DHRSX: variants seen among roughly 807,000 people sequenced by gnomAD.
DHRSX encodes polyprenol dehydrogenase.
A neutral mutation model predicts 34.0 loss-of-function variants in DHRSX; 31 were observed. The ratio of observed to expected loss-of-function variants is 0.91; its 90% confidence interval spans 0.69 to 1.23. DHRSX has a LOEUF of 1.23. Among genes scored for constraint, DHRSX ranks in the 50% most tolerant of loss-of-function variants. The probability of loss-of-function intolerance (pLI) is 0.00; values close to 1 mark genes in which losing one functional copy is unlikely to be tolerated. For missense variants in DHRSX, 414 were observed against 428.1 expected, an observed-to-expected ratio of 0.97 and a Z score of 0.29; for synonymous variants, 201 against 183.8, an observed-to-expected ratio of 1.09 and a Z score of -0.76.
At chrX:2,269,566 C>T (rs1389864785) in intron 4 of DHRSX, among the ~76,000 whole-genome samples, 5 of 152,056 alleles carry the variant, frequency 3.3e-5, no homozygotes, top group South Asian at 4.1e-4. Context: ...GGAGGAGTTT[C>T]GCTCTTGTCG....
At chrX:2,385,409 C>G (rs745839869) in intron 3 of DHRSX, among the ~76,000 whole-genome samples, 13 of 151,894 alleles carry the variant, frequency 8.6e-5, no homozygotes, top group African/African-American at 2.9e-4. Flanking sequence ...GCACACAGAC[C>G]GTAATTCTCA....
chrX:2,423,017 G>A (rs188827443), intron 2 of DHRSX, among the ~76,000 whole-genome samples: 135 of 151,070 alleles, frequency 8.9e-4, no homozygotes, highest in African/African-American at 3.2e-3. Context: ...TGGCCAGGCT[G>A]GTCTTGAACT....
intron 1 of DHRSX, among the ~76,000 whole-genome samples, chrX:2,483,225 A>T (rs1048558624): frequency 2.6e-5 from 4 of 152,084 alleles, no homozygotes; most frequent in Non-Finnish European, 5.9e-5. Context: ...AGCTGTGATC[A>T]CACATGCGTG....
intron 3 of DHRSX, among the ~76,000 whole-genome samples, chrX:2,297,889 G>A (rs1427056633): frequency 6.6e-6 from 1 of 151,842 alleles, no homozygotes; most frequent in Non-Finnish European, 1.5e-5. Context: ...CCAAGTAGCT[G>A]GGATTACAGG....
At chrX:2,469,084 G>T (rs1013247417) in intron 1 of DHRSX, among the ~76,000 whole-genome samples, 9 of 151,308 alleles carry the variant, frequency 5.9e-5, no homozygotes, top group Non-Finnish European at 1.0e-4. Flanking sequence ...CGAAGCATGT[G>T]GCTAAGGGAC....
At chrX:2,403,756 T>A (rs780129260) in intron 3 of DHRSX, among the ~76,000 whole-genome samples, 1 of 150,938 alleles carries the variant, frequency 6.6e-6, no homozygotes, top group East Asian at 2.0e-4. Flanking sequence ...CTCGGGAGGC[T>A]GAGGCAGGAG....
intron 1 of DHRSX, among the ~76,000 whole-genome samples, chrX:2,459,424 TTAA>T (rs1333495818): frequency 1.3e-5 from 2 of 151,572 alleles, no homozygotes; most frequent in Admixed American, 1.3e-4. Flanking sequence ...CACTTAATTA[TTAA>T]TGTTAATTAG....
At chrX:2,370,587 A>C (rs2043045231) in intron 3 of DHRSX, among the ~76,000 whole-genome samples, 1 of 115,796 alleles carries the variant, frequency 8.6e-6, no homozygotes, top group African/African-American at 3.0e-5. Context: ...AAATGGTTTT[A>C]CTGAAAAAAA....
chrX:2,423,778 T>A (rs1483667274), intron 2 of DHRSX, among the ~76,000 whole-genome samples: 1 of 151,072 alleles, frequency 6.6e-6, no homozygotes, highest in Non-Finnish European at 1.5e-5. Context: ...GTGGAATGGG[T>A]TAATTTGAAC....
chrX:2,265,193 C>A (rs1221748064), intron 5 of DHRSX, among the ~76,000 whole-genome samples: 5 of 110,292 alleles, frequency 4.5e-5, no homozygotes, highest in African/African-American at 1.5e-4. Context: ...CCCCAGAGCA[C>A]CAGTGCTCAG....
At chrX:2,250,553 G>C (rs1000283292) in intron 5 of DHRSX, among the ~76,000 whole-genome samples, 5 of 152,044 alleles carry the variant, frequency 3.3e-5, no homozygotes, top group Admixed American at 3.3e-4. Context: ...ACCATGTCAT[G>C]GCATCTGTAA....
intron 3 of DHRSX, among the ~76,000 whole-genome samples, chrX:2,323,983 G>A (rs1428477523): frequency 2.7e-5 from 4 of 150,780 alleles, no homozygotes; most frequent in Non-Finnish European, 5.9e-5. Flanking sequence ...CCTGAGCCTC[G>A]GAAGTTGAAG....
intron 4 of DHRSX, among the ~76,000 whole-genome samples, chrX:2,270,311 T>G (rs769859009): frequency 3.9e-5 from 6 of 152,276 alleles, no homozygotes; most frequent in African/African-American, 1.4e-4. Flanking sequence ...CCACGTGGCC[T>G]TATCGACCCA....
intron 6 of DHRSX, among the ~76,000 whole-genome samples, chrX:2,226,773 C>T (rs941772649): frequency 4.0e-5 from 6 of 150,638 alleles, no homozygotes; most frequent in Non-Finnish European, 7.4e-5. Context: ...CCAGCCTGGG[C>T]GACAGAGCGA....
chrX:2,283,223 G>A (rs761212578), intron 4 of DHRSX, among the ~76,000 whole-genome samples: 2 of 152,008 alleles, frequency 1.3e-5, no homozygotes, highest in African/African-American at 4.8e-5. Context: ...GCAGGGAACA[G>A]CCTGCCGCAG....
At chrX:2,450,899 C>T (rs888771998) in intron 1 of DHRSX, among the ~76,000 whole-genome samples, 6 of 151,968 alleles carry the variant, frequency 3.9e-5, no homozygotes, top group African/African-American at 1.2e-4. Flanking sequence ...TCATGGGGAT[C>T]GAGCCTCATG....
intron 1 of DHRSX, among the ~76,000 whole-genome samples, chrX:2,445,190 G>T (rs1434778542): frequency 6.6e-6 from 1 of 152,066 alleles, no homozygotes; most frequent in African/African-American, 2.4e-5. Flanking sequence ...TACCGGACAC[G>T]CTGGGTTGGA....
At chrX:2,440,331 G>A (rs1355002667) in intron 1 of DHRSX, among the ~76,000 whole-genome samples, 3 of 151,368 alleles carry the variant, frequency 2.0e-5, no homozygotes, top group Non-Finnish European at 4.4e-5. Context: ...CTCCTGAGTA[G>A]CTGGGACTAC....
At chrX:2,257,552 T>C (rs1221273169) in intron 5 of DHRSX, among the ~76,000 whole-genome samples, 2 of 152,124 alleles carry the variant, frequency 1.3e-5, no homozygotes, top group Non-Finnish European at 2.9e-5. Flanking sequence ...CTGAATTACG[T>C]CTCCCCAGAT....
Sources: gnomAD v4.1 joint callset for allele counts (sites outside exome capture counted in the v4.1 genomes callset) on GRCh38, gnomAD v4.1.1 for gene constraint, MANE v1.5 for transcripts, NCBI Gene and HGNC (gene_info 2026-07-23, HGNC 2026-07-21) for gene names.